Variants in CCP110 observed in about 807,000 individuals in gnomAD.
The protein encoded by CCP110 is centriolar coiled-coil protein of 110 kDa.
CCP110 carries 43 observed loss-of-function variants against 105.5 expected under a neutral mutation model. That is an observed-to-expected ratio of 0.41 (90% CI 0.32 to 0.53). CCP110 has a LOEUF of 0.53. Among genes scored for constraint, CCP110 ranks in the 20% least tolerant of loss-of-function variants. The probability of loss-of-function intolerance (pLI) is 0.32; values close to 1 mark genes in which losing one functional copy is unlikely to be tolerated. For synonymous variants in CCP110, 353 were observed against 392.1 expected (o/e 0.90, Z 1.18); for missense variants, 1,016 against 1,189.1 (o/e 0.85, Z 2.14).
chr16:19,538,237 A>G (rs972870727), intron 4 of CCP110, among the ~76,000 whole-genome samples: 1 of 150,424 alleles, frequency 6.6e-6, no homozygotes, highest in African/African-American at 2.5e-5. Flanking sequence ...CTTCTTATTT[A>G]AATGATGAAG....
chr16:19,531,706 G>T (rs1050254834), intron 2 of CCP110, among the ~76,000 whole-genome samples: 15 of 152,300 alleles, frequency 9.8e-5, no homozygotes, highest in Middle Eastern at 3.4e-3. Flanking sequence ...GGTGGCTCGC[G>T]CCTGTAATCC....
At chr16:19,527,684 G>A (rs11645120) in intron 1 of CCP110, among the ~76,000 whole-genome samples, 183 bp from the exon 2 acceptor site, 4,221 of 152,136 alleles carry the variant, frequency 0.028, 78 homozygotes, top group Non-Finnish European at 0.041. Context: ...AATCTTAATT[G>A]GACAGGTTCT....
chr16:19,537,181 G>T (rs945496261), exon 4 of CCP110: 1 of 1,614,210 alleles, frequency 6.2e-7, no homozygotes, highest in Non-Finnish European at 8.5e-7. Flanking sequence ...TGCCAAAGCT[G>T]CATGAACCAT....
exon 15 of CCP110, chr16:19,551,228 C>G (rs578098050): frequency 6.2e-7 from 1 of 1,612,638 alleles, no homozygotes; most frequent in Admixed American, 1.7e-5. Context: ...AAGAAAGCGG[C>G]CAAATGTTGC....
exon 4 of CCP110, chr16:19,537,168 C>T (rs1213689213): frequency 8.1e-6 from 13 of 1,614,166 alleles, no homozygotes; most frequent in Middle Eastern, 1.6e-4. Flanking sequence ...ACCTGTGCTG[C>T]GATGCCAAAG....
chr16:19,545,824 T>C, exon 11 of CCP110: 1 of 1,596,224 alleles, frequency 6.3e-7, no homozygotes, highest in Admixed American at 1.7e-5. Flanking sequence ...AAGGATAAAA[T>C]GAAAAGTCCA....
intron 14 of CCP110, among the ~76,000 whole-genome samples, chr16:19,550,120 T>TATTTAGACAATTGAAAGC (rs1453344808): frequency 1.4e-4 from 21 of 152,278 alleles, no homozygotes; most frequent in Non-Finnish European, 2.9e-4. Context: ...CATGAGTGCA[T>TATTTAGACAATTGAAAGC]ATTTAGACAA....
At chr16:19,536,668 T>C in exon 4 of CCP110, 2 of 1,614,192 alleles carry the variant, frequency 1.2e-6, no homozygotes, top group Non-Finnish European at 1.7e-6. Flanking sequence ...GCCATCCCAC[T>C]GTTCTAGAGT....
At chr16:19,546,459 A>G in exon 12 of CCP110, 1 of 1,586,124 alleles carries the variant, frequency 6.3e-7, no homozygotes, top group Non-Finnish European at 8.7e-7. Context: ...GTTAAACAAA[A>G]TCCTTCTGAA....
Position 19,548,629 on chromosome 16 carries a change from A to G in CCP110, c.2986+29A>G. 7.1e-7 allele frequency: 1 copy of G among 1,401,314 alleles called. No homozygotes were observed. Among genetic ancestry groups the G allele is most frequent in the Non-Finnish European group, 9.8e-7 (1 of 1,016,414 alleles). 86.8% of individuals were successfully genotyped at this position (1,401,314 alleles called of 1,614,324 possible). On this transcript the variant is annotated intron_variant, in intron 14 of 14. Coordinates refer to ENST00000381396, the Ensembl canonical transcript of CCP110. This position sits in a 1 kb window ranked among gnomAD's most constrained non-coding sequence, Gnocchi z 4.1. ...TGTAGAAAATAAATTCCTGAAGCCC[A>G]TTCAATAGAAGGAAGTGCACAAGCT...
At chr16:19,538,629 A>G (rs952812094) in intron 4 of CCP110, among the ~76,000 whole-genome samples, 45 of 152,122 alleles carry the variant, frequency 3.0e-4, no homozygotes, top group African/African-American at 1.0e-3. Context: ...CTTGCCTGAA[A>G]CATCACTTAC....
chr16:19,533,504 G>T (rs555665472), intron 3 of CCP110, among the ~76,000 whole-genome samples: 1 of 152,118 alleles, frequency 6.6e-6, no homozygotes. Flanking sequence ...TGAGATAAGC[G>T]ATCACATTTT....
intron 8 of CCP110, among the ~76,000 whole-genome samples, chr16:19,544,361 T>TC (rs1970391286): frequency 6.6e-6 from 1 of 152,212 alleles, no homozygotes; most frequent in Non-Finnish European, 1.5e-5. Flanking sequence ...TTATTTATGT[T>TC]CTTAGTACAG....
rs1411988051 is a variant in CCP110, at chr16:19,548,689, T to C, written c.2986+89T>C. The C allele has an allele frequency of 2.6e-6, 2 of 764,956 alleles. No homozygotes were observed. Among genetic ancestry groups the C allele is most frequent in the Non-Finnish European group, 4.2e-6 (2 of 473,470 alleles). The allele number at this position is 764,956 out of a possible 1,614,324, so 47.4% of individuals were successfully genotyped here. On this transcript the variant is annotated intron_variant, in intron 14 of 14. Transcript: ENST00000381396. This position sits in a 1 kb window ranked among gnomAD's most constrained non-coding sequence, Gnocchi z 4.1. ...CTCAGGCCATAGAAGTGGAATAGAT[T>C]GTCTTTCCTTGCCACCATAATTTTG...
chr16:19,543,067 C>G (rs779477637), intron 8 of CCP110, 73 bp downstream of exon 8: 3 of 826,574 alleles, frequency 3.6e-6, no homozygotes, highest in Non-Finnish European at 6.1e-6. Context: ...GCTGAGCTAA[C>G]AGATTAGTTC....
chr16:19,530,931 A>G (rs1203971764), intron 2 of CCP110, among the ~76,000 whole-genome samples: 3 of 152,136 alleles, frequency 2.0e-5, no homozygotes, highest in South Asian at 2.1e-4. Context: ...CCATCTCAAA[A>G]AAAAAAGGAA....
exon 15 of CCP110, chr16:19,552,967 GTCT>G (rs761474272): frequency 2.6e-5 from 4 of 152,312 alleles, no homozygotes; most frequent in East Asian, 1.9e-4. Context: ...GTATCAAATT[GTCT>G]TCTTAATATG....
chr16:19,547,943 A>AT lies in CCP110; in HGVS notation c.2841-9dup. 3 of 1,590,872 alleles carry AT rather than the reference A, an allele frequency of 1.9e-6. No homozygotes were observed. The highest frequency in any genetic ancestry group is 1.7e-6 in the Non-Finnish European group (2 of 1,159,466). On this transcript the variant is annotated splice_polypyrimidine_tract_variant and intron_variant, in intron 12 of 14. Transcript: ENST00000381396. ...ACCTATTAAATTAATTTTTCATTTAATTTGTCAACAGAGTCCTTCAGCCAA... is the reference window on the plus strand; with the variant it reads ...ACCTATTAAATTAATTTTTCATTTAATTTTGTCAACAGAGTCCTTCAGCCAA...
At chr16:19,539,002 C>T (rs1326916528) in intron 4 of CCP110, among the ~76,000 whole-genome samples, 1 of 151,782 alleles carries the variant, frequency 6.6e-6, no homozygotes, top group Non-Finnish European at 1.5e-5. Context: ...ATCCCAGCTA[C>T]TTGGGAGGCT....
Sources: gnomAD v4.1 joint callset for allele counts (sites outside exome capture counted in the v4.1 genomes callset) on GRCh38, gnomAD v4.1.1 for gene constraint, Gnocchi (gnomAD v3.1) non-coding constraint, MANE v1.5 for transcripts, NCBI Gene and HGNC (gene_info 2026-07-23, HGNC 2026-07-21) for gene names.